Variants in ESRRG observed in about 807,000 individuals in gnomAD.
The protein encoded by ESRRG is estrogen related receptor gamma, also known as estrogen-related receptor gamma.
A neutral mutation model predicts 44.0 loss-of-function variants in ESRRG; 13 were observed. The ratio of observed to expected loss-of-function variants is 0.30; its 90% CI spans 0.19 to 0.47. The LOEUF (loss-of-function observed/expected upper bound fraction) is 0.47, where lower values mean the gene tolerates loss of function less well. Ranked by LOEUF, ESRRG falls within the 20% of genes least tolerant of loss-of-function variation. The pLI is 1.00. For synonymous variants in ESRRG, 215 were observed against 214.6 expected (o/e 1.00, Z -0.02); for missense variants, 395 against 580.6 (o/e 0.68, Z 3.29).
chr1:217,069,253 G>A (rs1007932581), intron 1 of ESRRG, among the ~76,000 whole-genome samples: 1 of 152,030 alleles, frequency 6.6e-6, no homozygotes, highest in East Asian at 1.9e-4. Flanking sequence ...TCCTGCCCTC[G>A]AACATCTGAC....
intron 3 of ESRRG, among the ~76,000 whole-genome samples, chr1:216,615,442 T>C (rs2061292700): frequency 6.6e-6 from 1 of 152,202 alleles, no homozygotes; most frequent in Admixed American, 6.5e-5. Context: ...TGTTTACACA[T>C]GTTTTAAGGT....
chr1:217,016,281 C>CT lies in ESRRG; in HGVS notation c.-106+73225dup, dbSNP rs925661496. 2.7e-4 allele frequency among the ~76,000 whole-genome samples: 41 copies of CT among 150,838 alleles called. 1 individual carries two copies. Among genetic ancestry groups the CT allele is most frequent in the African/African-American group, 8.0e-4 (33 of 41,112 alleles). On this transcript the variant is annotated intron_variant, in intron 1 of 7. Transcript: ENST00000359162. ...TTTTAATAAAGCCAAGTGCCATTTC[C>CT]TTTTTTTTTAAGATTGTATAATGGA...
intron 2 of ESRRG, among the ~76,000 whole-genome samples, chr1:216,741,247 A>ATATAATTTATATT (rs1219221181): frequency 6.8e-6 from 1 of 147,318 alleles, no homozygotes; most frequent in Non-Finnish European, 1.5e-5. Context: ...AATTTATATT[A>ATATAATTTATATT]TATAATTTAT....
chr1:216,765,688 A>T (rs962529141), intron 2 of ESRRG, among the ~76,000 whole-genome samples: 1 of 152,138 alleles, frequency 6.6e-6, no homozygotes, highest in Non-Finnish European at 1.5e-5. Context: ...AACATGAAAC[A>T]TGATGGTGTA....
At chr1:216,717,245 T>C (rs955563863) in intron 1 of ESRRG, among the ~76,000 whole-genome samples, 11 of 151,784 alleles carry the variant, frequency 7.2e-5, no homozygotes, top group African/African-American at 2.7e-4. Context: ...ATTTGGAAAA[T>C]ACTGAGAAAT....
chr1:217,038,112 C>G (rs1041809548), intron 1 of ESRRG, among the ~76,000 whole-genome samples: 2 of 152,170 alleles, frequency 1.3e-5, no homozygotes, highest in African/African-American at 4.8e-5. Flanking sequence ...GGTGTATCCA[C>G]TATTCTGAGG....
At chr1:217,085,546 A>G (rs1236914861) in intron 1 of ESRRG, among the ~76,000 whole-genome samples, 1 of 108,384 alleles carries the variant, frequency 9.2e-6, no homozygotes, top group Non-Finnish European at 1.7e-5. Context: ...GCTGAAGTGC[A>G]GTGGCGCCAT....
chr1:216,970,884 TG>T (rs1367810245), intron 1 of ESRRG, among the ~76,000 whole-genome samples: 1 of 152,204 alleles, frequency 6.6e-6, no homozygotes, highest in Non-Finnish European at 1.5e-5. Context: ...AATACCCTGT[TG>T]GTGCTCAATA....
At chr1:216,983,047 T>C (rs985450552) in intron 1 of ESRRG, among the ~76,000 whole-genome samples, 14 of 151,880 alleles carry the variant, frequency 9.2e-5, no homozygotes, top group African/African-American at 3.4e-4. Context: ...TTTTTTTTTT[T>C]TTTTTAACTG....
At chr1:216,606,984 T>C (rs905222283) in intron 3 of ESRRG, among the ~76,000 whole-genome samples, 8 of 152,192 alleles carry the variant, frequency 5.3e-5, no homozygotes, top group Admixed American at 5.2e-4. Flanking sequence ...ACCCACAGAT[T>C]GATCTGTAGA....
chr1:216,920,742 T>A (rs1338533635), intron 2 of ESRRG, among the ~76,000 whole-genome samples: 1 of 152,154 alleles, frequency 6.6e-6, no homozygotes, highest in Non-Finnish European at 1.5e-5. Flanking sequence ...GTCAATATGA[T>A]CCAGCAGATA....
intron 1 of ESRRG, among the ~76,000 whole-genome samples, chr1:217,008,696 G>T (rs558397058): frequency 9.3e-4 from 142 of 152,300 alleles, no homozygotes; most frequent in African/African-American, 3.3e-3. Context: ...AATCTTAAAG[G>T]TTTTATTTTA....
At chr1:216,810,545 G>T (rs1470076036) in intron 2 of ESRRG, among the ~76,000 whole-genome samples, 2 of 148,436 alleles carry the variant, frequency 1.3e-5, no homozygotes, top group Non-Finnish European at 3.0e-5. Flanking sequence ...TGGTGGTCAA[G>T]TAATAGAAGG....
intron 3 of ESRRG, among the ~76,000 whole-genome samples, chr1:216,603,877 G>A (rs1163854216): frequency 6.8e-6 from 1 of 147,550 alleles, no homozygotes; most frequent in Non-Finnish European, 1.5e-5. Context: ...AGGTTGCAGA[G>A]AACCTAGATG....
At chr1:217,017,478 C>CAAAAAAA (rs55820027) in intron 1 of ESRRG, among the ~76,000 whole-genome samples, 87 of 82,358 alleles carry the variant, frequency 1.1e-3, no homozygotes, top group Non-Finnish European at 1.7e-3. Flanking sequence ...CTACATAACT[C>CAAAAAAA]AAAAAAAAAA....
At chr1:216,549,428 T>C (rs578038030) in intron 5 of ESRRG, among the ~76,000 whole-genome samples, 13 of 152,058 alleles carry the variant, frequency 8.5e-5, no homozygotes, top group Non-Finnish European at 1.8e-4. Context: ...CCTCCATTTG[T>C]GATAGGACAA....
intron 2 of ESRRG, among the ~76,000 whole-genome samples, chr1:216,855,891 T>C (rs1427518618): frequency 1.3e-5 from 2 of 152,206 alleles, no homozygotes; most frequent in Non-Finnish European, 2.9e-5. Flanking sequence ...CTTTCTCTCA[T>C]GTTTATGGAC....
intron 1 of ESRRG, among the ~76,000 whole-genome samples, chr1:217,127,534 C>A (rs72743331): frequency 0.08 from 12,143 of 152,280 alleles, 617 homozygotes; most frequent in Non-Finnish European, 0.12. Context: ...TTTGTTGATT[C>A]AATACAGAGA....
chr1:216,717,953 T>C (rs1402496218), intron 1 of ESRRG, among the ~76,000 whole-genome samples: 6 of 151,850 alleles, frequency 4.0e-5, no homozygotes, highest in Admixed American at 3.9e-4. Flanking sequence ...TTCTTGGATA[T>C]GGGCCCAAAC....
Sources: allele counts gnomAD v4.1 joint callset (sites outside exome capture counted in the v4.1 genomes callset), GRCh38; gene constraint gnomAD v4.1.1; transcripts MANE v1.5; gene names NCBI Gene and HGNC (gene_info 2026-07-23, HGNC 2026-07-21).